Variants in SYT14 observed in about 807,000 individuals in gnomAD.
SYT14 encodes synaptotagmin-14.
Under a neutral mutation model 74.2 loss-of-function variants are expected in SYT14, and 32 were observed. The observed-to-expected ratio is 0.43, with a 90% CI of 0.33 to 0.58. The LOEUF is 0.58. SYT14 is among the 20% of genes least tolerant of loss of function. The pLI, the probability that SYT14 is intolerant of heterozygous loss-of-function variation, is 0.05. For synonymous variants in SYT14, 298 were observed against 337.7 expected (o/e 0.88, Z 1.29); for missense variants, 791 against 981.8 (o/e 0.81, Z 2.60).
chr1:210,165,645 A>G (rs1336755901), exon 10 of SYT14: 4 of 152,096 alleles, frequency 2.6e-5, no homozygotes, highest in Admixed American at 2.6e-4. Context: ...CAATTTATTT[A>G]TGTTTTATTC....
chr1:209,965,876 T>A (rs998154438), intron 2 of SYT14: 38 of 452,482 alleles, frequency 8.4e-5, no homozygotes, highest in Admixed American at 5.5e-4. Flanking sequence ...TTTTTGAACT[T>A]CTTTTTTTTT....
At chr1:210,102,151 G>C (rs932041511) in intron 7 of SYT14, among the ~76,000 whole-genome samples, 23 of 151,952 alleles carry the variant, frequency 1.5e-4, no homozygotes, top group African/African-American at 5.1e-4. Flanking sequence ...TTGTTATATA[G>C]GTAAACTTGT....
chr1:210,013,326 T>A (rs1346964479), intron 2 of SYT14, among the ~76,000 whole-genome samples: 2 of 152,096 alleles, frequency 1.3e-5, no homozygotes, highest in Non-Finnish European at 2.9e-5. Context: ...CCACTTGGCC[T>A]CCCACAGTGC....
At chr1:210,105,665 A>C (rs954957813) in intron 7 of SYT14, among the ~76,000 whole-genome samples, 1 of 152,162 alleles carries the variant, frequency 6.6e-6, no homozygotes, top group Non-Finnish European at 1.5e-5. Context: ...TTCCCCTCCA[A>C]ATCTCATGTT....
chr1:210,138,096 A>T (rs1283514102), intron 7 of SYT14, among the ~76,000 whole-genome samples: 1 of 152,232 alleles, frequency 6.6e-6, no homozygotes, highest in Non-Finnish European at 1.5e-5. Flanking sequence ...GTATTAGTCC[A>T]TTCTCAACAC....
rs377050610 is a variant in SYT14 at position 210,059,451 on chromosome 1, T to TATATAG, written c.1313-34870_1313-34869insTATAGA. On this transcript the variant is annotated intron_variant, in intron 5 of 9. Coordinates refer to ENST00000637265, the Ensembl canonical transcript of SYT14. ...GAATATATATATATATATATATATA[T>TATATAG]AGAGAGAGAGAGAGAGAGAGAGAGA... Among the ~76,000 whole-genome samples, 646 of 69,868 alleles carry TATATAG rather than the reference T, an allele frequency of 9.2e-3. 6 individuals are homozygous for TATATAG. Among genetic ancestry groups the TATATAG allele is most frequent in the East Asian group, 0.026 (60 of 2,302 alleles). The allele number at this position is 69,868 out of a possible 152,430, so 45.8% of individuals were successfully genotyped here.
rs1354064047 is a variant in SYT14 at position 209,997,785 on chromosome 1, G to A, written c.-485-15848G>A. Reference sequence around the variant, plus strand: ...ATAACCATGTAACAGGCCTGTATATGTACCCCCCTGTATCTAAAATAAAAG... The same window carrying A: ...ATAACCATGTAACAGGCCTGTATATATACCCCCCTGTATCTAAAATAAAAG... On this transcript the variant is annotated intron_variant, in intron 2 of 9. Coordinates refer to ENST00000637265, the Ensembl canonical transcript of SYT14. 3.3e-5 allele frequency among the ~76,000 whole-genome samples: 5 copies of A among 151,880 alleles called. No individual in the cohort carries two copies. In the East Asian group the frequency reaches 7.7e-4, roughly 23 times the overall value.
chr1:210,101,694 G>A (rs1339448791), intron 7 of SYT14, among the ~76,000 whole-genome samples: 1 of 151,518 alleles, frequency 6.6e-6, no homozygotes, highest in African/African-American at 2.4e-5. Context: ...TATTTCGGAG[G>A]GGGGAAGAAC....
At position 210,165,386 on chromosome 1, in the gene SYT14, T is replaced by C. The variant is rs1395770997; in HGVS notation, c.*4344T>C. 6 of 152,202 alleles carry C rather than the reference T, an allele frequency of 3.9e-5. No homozygotes were observed. The East Asian group carries it at 1.2e-3, about 29-fold the overall frequency. The allele number at this position is 152,202 out of a possible 1,614,324, so 9.4% of individuals were successfully genotyped here. A position where few individuals can be genotyped will look rare whatever the true frequency, so the allele number is the denominator to read the frequency against. Reference sequence around the variant, plus strand: ...CTCAGGACACAAGTGGTGGTACTTTTGTGTCATTTTGTAGATGACTTTGAT... The same window carrying C: ...CTCAGGACACAAGTGGTGGTACTTTCGTGTCATTTTGTAGATGACTTTGAT... On this transcript the variant is annotated 3_prime_UTR_variant, in exon 10 of 10. Coordinates refer to ENST00000637265, the Ensembl canonical transcript of SYT14.
intron 7 of SYT14, among the ~76,000 whole-genome samples, chr1:210,102,848 AT>A (rs939200971): frequency 8.5e-4 from 124 of 145,370 alleles, no homozygotes; most frequent in Admixed American, 1.0e-3. Flanking sequence ...GGCCTGGCTA[AT>A]TTTTTTTTTT....
At chr1:209,969,324 G>C (rs928961760) in intron 2 of SYT14, among the ~76,000 whole-genome samples, 1 of 152,062 alleles carries the variant, frequency 6.6e-6, no homozygotes. Flanking sequence ...TCTCAGAGTT[G>C]CTTTCCATGG....
exon 10 of SYT14, chr1:210,164,539 G>C (rs2083435454): frequency 1.9e-5 from 3 of 155,940 alleles, no homozygotes; most frequent in Non-Finnish European, 4.3e-5. Flanking sequence ...TCAATATGAA[G>C]ATGTGTGGGG....
At position 209,959,648 on chromosome 1, in the gene SYT14, A is replaced by C. The variant is rs184917001; in HGVS notation, c.-486+6892A>C. Among the ~76,000 whole-genome samples the C allele has an allele frequency of 2.8e-4, 42 of 152,348 alleles. No homozygotes were observed. The East Asian group carries it at 8.1e-3, about 29-fold the overall frequency. On this transcript the variant is annotated intron_variant, in intron 2 of 9. Transcript: ENST00000637265. ...CATAAAAATTGTTTCACTCGCAAAC[A>C]GTGAAAGAAACCAGACACAAAAGGC...
exon 4 of SYT14, chr1:210,016,493 A>C: frequency 8.1e-7 from 1 of 1,232,078 alleles, no homozygotes; most frequent in Non-Finnish European, 1.0e-6. Context: ...GGCTGGATCT[A>C]TTTGTCAAGA....
intron 2 of SYT14, among the ~76,000 whole-genome samples, chr1:209,980,837 T>C (rs974403954): frequency 2.1e-4 from 32 of 152,212 alleles, no homozygotes; most frequent in Admixed American, 1.1e-3. Context: ...CCAAGCTGTT[T>C]TGGCTGCTGT....
chr1:210,163,139 A>G, exon 10 of SYT14: 1 of 453,528 alleles, frequency 2.2e-6, no homozygotes, highest in Non-Finnish European at 4.4e-6. Flanking sequence ...CTTCCTAATA[A>G]AAAGAGTTAT....
chr1:209,993,292 A>C (rs2079727437), intron 2 of SYT14, among the ~76,000 whole-genome samples: 1 of 152,178 alleles, frequency 6.6e-6, no homozygotes, highest in Non-Finnish European at 1.5e-5. Flanking sequence ...CCCTCCTTGG[A>C]CACATGCCTA....
chr1:210,081,022 G>T (rs2102479728), intron 5 of SYT14, among the ~76,000 whole-genome samples: 1 of 152,264 alleles, frequency 6.6e-6, no homozygotes, highest in South Asian at 2.1e-4. Context: ...CAGGCCAAGG[G>T]AAGGGCATGT....
At chr1:210,142,373 T>C (rs1341911821) in intron 7 of SYT14, among the ~76,000 whole-genome samples, 1 of 152,200 alleles carries the variant, frequency 6.6e-6, no homozygotes, top group Non-Finnish European at 1.5e-5. Flanking sequence ...CTTTAGTTAG[T>C]TCAGAGTTCT....
Sources: gnomAD v4.1 joint callset for allele counts (sites outside exome capture counted in the v4.1 genomes callset) on GRCh38, gnomAD v4.1.1 for gene constraint, MANE v1.5 for transcripts, NCBI Gene and HGNC (gene_info 2026-07-23, HGNC 2026-07-21) for gene names.